Variants in TMEM87B observed in about 807,000 individuals in gnomAD.
TMEM87B encodes transmembrane protein 87B.
TMEM87B carries 83 observed loss-of-function variants against 80.3 expected under a neutral mutation model. That is an observed-to-expected ratio of 1.03 (90% CI 0.87 to 1.24). The LOEUF (loss-of-function observed/expected upper bound fraction) is 1.24, where lower values mean the gene tolerates loss of function less well. Ranked by LOEUF, TMEM87B falls within the 50% of genes most tolerant of loss-of-function variation. The pLI, the probability that TMEM87B is intolerant of heterozygous loss-of-function variation, is 0.00. For missense variants in TMEM87B, 625 were observed against 674.4 expected, an observed-to-expected ratio of 0.93 and a Z score of 0.81; for synonymous variants, 219 against 230.5, an observed-to-expected ratio of 0.95 and a Z score of 0.45.
At chr2:112,101,368 G>A (rs1023538973) in intron 15 of TMEM87B, among the ~76,000 whole-genome samples, 2 of 152,058 alleles carry the variant, frequency 1.3e-5, no homozygotes, top group Non-Finnish European at 2.9e-5. Context: ...TAATTACTTT[G>A]AAAAGCTTAG....
rs760468560 is a variant in TMEM87B at position 112,089,721 on chromosome 2, A to G, written c.1032+3A>G. ...AAGGCGTGATGAGAGTCATTGGGGTAAAAACTACATTATTCTACCACCCCT... is the reference window on the plus strand; with the variant it reads ...AAGGCGTGATGAGAGTCATTGGGGTGAAAACTACATTATTCTACCACCCCT... On this transcript the variant is annotated splice_donor_region_variant and intron_variant, in intron 10 of 18. Coordinates refer to ENST00000283206, the MANE Select transcript of TMEM87B (RefSeq NM_032824.3). 3 of 1,613,638 alleles carry G rather than the reference A, an allele frequency of 1.9e-6. No individual in the cohort carries two copies. Among genetic ancestry groups the G allele is most frequent in the Non-Finnish European group, 2.5e-6 (3 of 1,179,508 alleles).
chr2:112,076,306 A>T (rs1678811253), intron 5 of TMEM87B, among the ~76,000 whole-genome samples: 1 of 152,228 alleles, frequency 6.6e-6, no homozygotes, highest in Non-Finnish European at 1.5e-5. Context: ...AATGTTTGAT[A>T]AAATTAGGAT....
chr2:112,098,624 A>G lies in TMEM87B; in HGVS notation c.1302A>G (p.Ala434=), dbSNP rs1679540759. The stretch of plus-strand genomic sequence containing the variant: ...GGATGGAACGCTGGGTTGACGATGC[A>G]TTTTGGAGCTTCCTTTTTTCGCTTA... The part of the protein sequence containing the change: ...SDWMERWVDD[A]FWSFLFSLIL... The change falls in exon 14 of 19, where the codon GCA becomes GCG. Residue 434 remains alanine (A), a synonymous_variant. Coordinates refer to ENST00000283206, the MANE Select transcript of TMEM87B (RefSeq NM_032824.3). 11 of 1,614,110 alleles carry G rather than the reference A, an allele frequency of 6.8e-6. No homozygotes were observed. The highest frequency in any genetic ancestry group is 9.3e-6 in the Non-Finnish European group (11 of 1,180,004).
At chr2:112,067,598 CA>C (rs1009920776) in intron 4 of TMEM87B, among the ~76,000 whole-genome samples, 1 of 150,762 alleles carries the variant, frequency 6.6e-6, no homozygotes, top group Non-Finnish European at 1.5e-5. Context: ...GACTCCGTCT[CA>C]AAAAAAAAGA....
rs758512878 is a variant in TMEM87B, at chr2:112,086,026, C to A, written c.860C>A (p.Ala287Glu). ...GLSTQGLLIFAELISAIKRTL... is the reference protein window; with the variant it reads ...GLSTQGLLIFEELISAIKRTL... ...TCAGCCCAAGGCTTATTGATATTTG[C>A]GGAGTTGATTTCTGCGATTAAGAGG... Residue 287 changes from alanine to glutamate, a missense_variant, in exon 9 of 19, where the codon GCG becomes GAG. Transcript: ENST00000283206. 1 of 1,613,964 alleles carries A rather than the reference C, an allele frequency of 6.2e-7. No individual in the cohort carries two copies. Among genetic ancestry groups the A allele is most frequent in the Non-Finnish European group, 8.5e-7 (1 of 1,179,938 alleles).
chr2:112,070,544 T>C (rs1047061457), intron 4 of TMEM87B, among the ~76,000 whole-genome samples: 11 of 152,236 alleles, frequency 7.2e-5, no homozygotes, highest in Non-Finnish European at 1.3e-4. Flanking sequence ...GTGTCTGTTT[T>C]TGTACCAGTA....
Position 112,098,608 on chromosome 2 carries a change from G to A in TMEM87B, c.1286G>A (p.Arg429His), listed in dbSNP as rs759155547. 15 of 1,613,970 alleles carry A rather than the reference G, an allele frequency of 9.3e-6. No homozygotes were observed. The highest frequency in any genetic ancestry group is 2.7e-5 in the African/African-American group (2 of 74,910). The change falls in exon 14 of 19, where the codon CGC (arginine) becomes CAC (histidine). Residue 429 changes from arginine to histidine, a missense_variant. Coordinates refer to ENST00000283206, the MANE Select transcript of TMEM87B (RefSeq NM_032824.3). ...IAKCQSDWME[R>H]WVDDAFWSFL... ...TCCTTCTTTTAGGATTGGATGGAAC[G>A]CTGGGTTGACGATGCATTTTGGAGC...
chr2:112,058,257 C>T (rs767214424), intron 1 of TMEM87B, among the ~76,000 whole-genome samples: 1 of 152,250 alleles, frequency 6.6e-6, no homozygotes, highest in Non-Finnish European at 1.5e-5. Context: ...GGACTCAGGT[C>T]ACCACAAGCT....
At chr2:112,077,142 C>T in intron 5 of TMEM87B, 50 bp from the exon 6 acceptor site, 1 of 941,998 alleles carries the variant, frequency 1.1e-6, no homozygotes. Flanking sequence ...AGCTATATTA[C>T]ATAGCAATTT....
At chr2:112,070,594 G>A (rs756163323) in intron 4 of TMEM87B, among the ~76,000 whole-genome samples, 1 of 152,172 alleles carries the variant, frequency 6.6e-6, no homozygotes, top group Non-Finnish European at 1.5e-5. Context: ...GGTATAGTTT[G>A]AAGTCAGGTA....
intron 6 of TMEM87B, among the ~76,000 whole-genome samples, chr2:112,079,086 C>T (rs919068452): frequency 1.3e-5 from 2 of 152,208 alleles, no homozygotes; most frequent in Non-Finnish European, 2.9e-5. Flanking sequence ...AGTTAACATA[C>T]TCATCACCCC....
intron 1 of TMEM87B, among the ~76,000 whole-genome samples, chr2:112,059,386 G>A (rs1196867278): frequency 2.0e-5 from 3 of 151,594 alleles, no homozygotes; most frequent in African/African-American, 4.9e-5. Flanking sequence ...GGCTTTGAAG[G>A]GTGAGAAGGA....
chr2:112,102,899 G>C (rs948765986), intron 15 of TMEM87B, among the ~76,000 whole-genome samples: 1 of 152,114 alleles, frequency 6.6e-6, no homozygotes, highest in African/African-American at 2.4e-5. Context: ...TAAAGTGCAA[G>C]GGTATGTACA....
At chr2:112,112,104 C>T (rs937577618) in intron 17 of TMEM87B, among the ~76,000 whole-genome samples, 2 of 152,174 alleles carry the variant, frequency 1.3e-5, no homozygotes, top group Non-Finnish European at 1.5e-5. Context: ...CACCATGGAC[C>T]GCACTGTAGG....
At chr2:112,071,832 G>A (rs1678649241) in intron 4 of TMEM87B, among the ~76,000 whole-genome samples, 1 of 152,190 alleles carries the variant, frequency 6.6e-6, no homozygotes, top group South Asian at 2.1e-4. Context: ...AAATAGGAGT[G>A]ATGAGAGAGG....
chr2:112,062,284 C>T (rs536542758), intron 2 of TMEM87B, among the ~76,000 whole-genome samples: 1 of 152,288 alleles, frequency 6.6e-6, no homozygotes, highest in East Asian at 1.9e-4. Flanking sequence ...TTTAAGGCAA[C>T]CTCTCTTCTG....
At chr2:112,060,102 C>T in intron 2 of TMEM87B, 65 bp downstream of exon 2, 1 of 1,390,468 alleles carries the variant, frequency 7.2e-7, no homozygotes, top group Middle Eastern at 2.7e-4. Context: ...AATCCCGGCA[C>T]TTTGGGAGGC....
chr2:112,057,132 T>G (rs1678099240), intron 1 of TMEM87B, among the ~76,000 whole-genome samples: 1 of 152,226 alleles, frequency 6.6e-6, no homozygotes. Flanking sequence ...TACTCCTGTG[T>G]GACCCTGGGC....
intron 11 of TMEM87B, chr2:112,095,494 T>C (rs950842998): frequency 2.1e-6 from 2 of 961,138 alleles, no homozygotes; most frequent in African/African-American, 1.8e-5. Context: ...TTTAAAATTA[T>C]TAAACCAGAC....
Sources: allele counts gnomAD v4.1 joint callset (sites outside exome capture counted in the v4.1 genomes callset), GRCh38; gene constraint gnomAD v4.1.1; transcripts MANE v1.5; gene names NCBI Gene and HGNC (gene_info 2026-07-23, HGNC 2026-07-21).